Variants in KLHDC4 observed in about 807,000 individuals in gnomAD.
KLHDC4 encodes the protein kelch domain-containing protein 4.
Under a neutral mutation model 62.4 loss-of-function variants are expected in KLHDC4, and 90 were observed. That is an observed-to-expected ratio of 1.44 (90% CI 1.22 to 1.72). KLHDC4 has a LOEUF of 1.72. Ranked by LOEUF, KLHDC4 falls within the 40% of genes most tolerant of loss-of-function variation. The pLI, the probability that KLHDC4 is intolerant of heterozygous loss-of-function variation, is 0.00. For missense variants in KLHDC4, 1,025 were observed against 699.7 expected, an observed-to-expected ratio of 1.47 and a Z score of -5.25; for synonymous variants, 386 against 284.4, an observed-to-expected ratio of 1.36 and a Z score of -3.59.
At chr16:87,725,342 T>C (rs1424627258) in intron 7 of KLHDC4, among the ~76,000 whole-genome samples, 3 of 152,116 alleles carry the variant, frequency 2.0e-5, no homozygotes, top group Non-Finnish European at 4.4e-5. Flanking sequence ...ATTTTTTGTA[T>C]TTTTAGTAGA....
intron 5 of KLHDC4, among the ~76,000 whole-genome samples, chr16:87,731,513 C>T (rs187983049): frequency 2.0e-5 from 3 of 152,062 alleles, no homozygotes; most frequent in East Asian, 3.9e-4. Context: ...CCCAACATCA[C>T]GAGCGGTCAG....
exon 1 of KLHDC4, chr16:87,700,622 G>C (rs2034094400): frequency 4.5e-6 from 1 of 220,832 alleles, no homozygotes; most frequent in South Asian, 4.7e-5. Flanking sequence ...AAACAGGGTG[G>C]AGGGAGGAGG....
chr16:87,734,387 G>A (rs538304698), intron 5 of KLHDC4, among the ~76,000 whole-genome samples: 52 of 152,138 alleles, frequency 3.4e-4, no homozygotes, highest in African/African-American at 1.1e-3. Context: ...AATCTCAAAC[G>A]TAAAAGGAAG....
At chr16:87,714,973 A>T (rs2036647570) in intron 7 of KLHDC4, among the ~76,000 whole-genome samples, 1 of 152,206 alleles carries the variant, frequency 6.6e-6, no homozygotes, top group African/African-American at 2.4e-5. Flanking sequence ...TCACAGCAGA[A>T]ATCAAGTTAC....
At chr16:87,717,161 G>A (rs979838164) in intron 7 of KLHDC4, among the ~76,000 whole-genome samples, 46 of 151,940 alleles carry the variant, frequency 3.0e-4, no homozygotes, top group African/African-American at 1.1e-3. Context: ...AGCCTGAAAG[G>A]CAGAGGCTGC....
chr16:87,759,367 G>A (rs1459576597), intron 2 of KLHDC4, among the ~76,000 whole-genome samples: 1 of 151,410 alleles, frequency 6.6e-6, no homozygotes, highest in African/African-American at 2.4e-5. Context: ...GCAGTGAGCT[G>A]AGATCGCGCC....
At position 87,761,971 on chromosome 16, in the gene KLHDC4, G is replaced by A; in HGVS notation, c.169C>T (p.Pro57Ser). The A allele has an allele frequency of 1.2e-6, 2 of 1,613,944 alleles. No homozygotes were observed. Among genetic ancestry groups the A allele is most frequent in the Non-Finnish European group, 1.7e-6 (2 of 1,179,932 alleles). The change falls in exon 2 of 12, where the codon CCG (proline) becomes TCG (serine). Residue 57 changes from proline (P) to serine (S), a missense_variant. Transcript: ENST00000270583. Reference protein sequence around the residue: ...DAKRTQTVELPCPPPSPRLNA... With the variant: ...DAKRTQTVELSCPPPSPRLNA... ...CACCTTGGTGAGGGTGGGGGGCACG[G>A]AAGTTCCACAGTCTGAGTCCTCTTG... is the stretch of plus-strand genomic sequence containing the variant.
chr16:87,742,046 C>A (rs2042315499), intron 5 of KLHDC4, among the ~76,000 whole-genome samples: 1 of 152,132 alleles, frequency 6.6e-6, no homozygotes, highest in Non-Finnish European at 1.5e-5. Context: ...GGGCAAAAAC[C>A]GTCTTTGTTG....
intron 1 of KLHDC4, among the ~76,000 whole-genome samples, chr16:87,764,833 A>G (rs1212329059): frequency 1.4e-3 from 202 of 144,674 alleles, no homozygotes; most frequent in African/African-American, 4.8e-3. Flanking sequence ...ACTCTGTCAA[A>G]AAAAAAAAAA....
chr16:87,711,907 C>A (rs2035941635), intron 8 of KLHDC4, among the ~76,000 whole-genome samples: 1 of 126,964 alleles, frequency 7.9e-6, no homozygotes, highest in South Asian at 2.6e-4. Flanking sequence ...ACCCAGGGGG[C>A]TGAATGCCTG....
intron 7 of KLHDC4, among the ~76,000 whole-genome samples, chr16:87,724,606 G>A (rs1015383841): frequency 6.6e-6 from 1 of 152,152 alleles, no homozygotes; most frequent in Non-Finnish European, 1.5e-5. Flanking sequence ...GCAGTCATGA[G>A]AGAAATGAGA....
intron 8 of KLHDC4, among the ~76,000 whole-genome samples, chr16:87,713,466 G>A (rs1480323066): frequency 6.6e-6 from 1 of 152,126 alleles, no homozygotes; most frequent in African/African-American, 2.4e-5. Context: ...CCAAAGTGCT[G>A]GGATTATAGG....
At chr16:87,736,940 C>T (rs62055585) in intron 5 of KLHDC4, among the ~76,000 whole-genome samples, 11,326 of 151,534 alleles carry the variant, frequency 0.075, 583 homozygotes, top group Non-Finnish European at 0.11. Flanking sequence ...GCCTGGCCAA[C>T]ATGGTAAAAC....
chr16:87,754,619 G>A (rs747426181), intron 4 of KLHDC4, among the ~76,000 whole-genome samples: 31 of 152,188 alleles, frequency 2.0e-4, no homozygotes, highest in East Asian at 3.9e-4. Context: ...TTTTCTGTGC[G>A]AGTCTAACTG....
At chr16:87,763,913 G>A (rs967940824) in intron 1 of KLHDC4, among the ~76,000 whole-genome samples, 4 of 152,188 alleles carry the variant, frequency 2.6e-5, no homozygotes, top group Non-Finnish European at 4.4e-5. Context: ...TTGGGGTATA[G>A]GTAAGACCAC....
chr16:87,701,415 T>A lies in KLHDC4; in HGVS notation c.*224A>T, dbSNP rs1366407542. On this transcript the variant is annotated 3_prime_UTR_variant, in exon 1 of 1. Coordinates refer to the KLHDC4 transcript ENST00000446344. ...CCATTAGGAACAAATGCTCTTTAAGTCTGTTTCTTCATGAAACCCAAAGTG... is the reference window on the plus strand; with the variant it reads ...CCATTAGGAACAAATGCTCTTTAAGACTGTTTCTTCATGAAACCCAAAGTG... The A allele has an allele frequency of 1.2e-5, 4 of 342,554 alleles. No homozygotes were observed. The Admixed American group carries it at 1.5e-4, about 13-fold the overall frequency. 21.2% of individuals were successfully genotyped at this position (342,554 alleles called of 1,614,324 possible). A position where few individuals can be genotyped will look rare whatever the true frequency, so the allele number is the denominator to read the frequency against.
intron 7 of KLHDC4, among the ~76,000 whole-genome samples, chr16:87,715,495 T>A (rs918401492): frequency 6.6e-6 from 1 of 152,080 alleles, no homozygotes; most frequent in African/African-American, 2.4e-5. Context: ...CCGTCGAGGG[T>A]CCCACTGGCC....
chr16:87,723,132 G>C (rs1036331870), intron 7 of KLHDC4, among the ~76,000 whole-genome samples: 4 of 152,236 alleles, frequency 2.6e-5, no homozygotes, highest in African/African-American at 9.7e-5. Flanking sequence ...ATGTACCAAA[G>C]TTTCTATCAG....
intron 5 of KLHDC4, among the ~76,000 whole-genome samples, chr16:87,733,404 C>G (rs924938521): frequency 1.3e-5 from 2 of 152,216 alleles, no homozygotes; most frequent in Non-Finnish European, 2.9e-5. Context: ...GCAGGGCGCC[C>G]AGGCACAGAG....
Sources: gnomAD v4.1 joint callset for allele counts (sites outside exome capture counted in the v4.1 genomes callset) on GRCh38, gnomAD v4.1.1 for gene constraint, MANE v1.5 for transcripts, NCBI Gene and HGNC (gene_info 2026-07-23, HGNC 2026-07-21) for gene names.